Variants in SLC4A4 observed in about 807,000 individuals in gnomAD.
SLC4A4 encodes electrogenic sodium bicarbonate cotransporter 1.
In SLC4A4, 27 loss-of-function variants were observed where a neutral mutation model predicts 111.5. The ratio of observed to expected loss-of-function variants is 0.24; its 90% CI spans 0.18 to 0.33. The LOEUF is 0.33. Among genes scored for constraint, SLC4A4 ranks in the 10% least tolerant of loss-of-function variants. The pLI, the probability that SLC4A4 is intolerant of heterozygous loss-of-function variation, is 1.00. For synonymous variants in SLC4A4, 443 were observed against 463.4 expected, an observed-to-expected ratio of 0.96 and a Z score of 0.57; for missense variants, 909 against 1,315.5, an observed-to-expected ratio of 0.69 and a Z score of 4.78.
At chr4:71,481,811 GAT>G (rs1395939131) in intron 14 of SLC4A4, among the ~76,000 whole-genome samples, 1 of 151,704 alleles carries the variant, frequency 6.6e-6, no homozygotes, top group East Asian at 2.0e-4. Flanking sequence ...GGAGGAAAGA[GAT>G]ATGAAAATCC....
intron 18 of SLC4A4, 133 bp from the exon 19 acceptor site, chr4:71,546,217 C>G: frequency 1.3e-6 from 1 of 750,002 alleles, no homozygotes; most frequent in Non-Finnish European, 2.3e-6. Context: ...ATAAAGTCCC[C>G]TCTTTCAAGG....
chr4:71,565,176 A>G (rs777480505), intron 24 of SLC4A4, among the ~76,000 whole-genome samples: 21 of 151,878 alleles, frequency 1.4e-4, no homozygotes, highest in Non-Finnish European at 2.9e-4. Flanking sequence ...GAGAGGATGA[A>G]GTAAAGTTAC....
At chr4:71,276,277 C>T (rs1403019063) in intron 3 of SLC4A4, among the ~76,000 whole-genome samples, 1 of 152,184 alleles carries the variant, frequency 6.6e-6, no homozygotes, top group African/African-American at 2.4e-5. Flanking sequence ...AATATCAAAA[C>T]CAGGAAACTG....
At chr4:71,563,238 G>A (rs972409599) in intron 23 of SLC4A4, among the ~76,000 whole-genome samples, 6 of 151,714 alleles carry the variant, frequency 4.0e-5, no homozygotes, top group African/African-American at 1.2e-4. Context: ...CAAGCTAATT[G>A]AAATGAACCT....
chr4:71,246,940 C>G (rs1005096703), intron 2 of SLC4A4, among the ~76,000 whole-genome samples: 2 of 152,018 alleles, frequency 1.3e-5, no homozygotes, highest in South Asian at 2.1e-4. Flanking sequence ...GATTTTTAGG[C>G]CACTTTAAAA....
chr4:71,450,832 C>G (rs1725693394), intron 10 of SLC4A4, among the ~76,000 whole-genome samples: 1 of 152,082 alleles, frequency 6.6e-6, no homozygotes, highest in Non-Finnish European at 1.5e-5. Flanking sequence ...TTGGGGACCC[C>G]CTGTATATCT....
At chr4:71,497,802 T>G (rs1730551235) in intron 16 of SLC4A4, 110 bp downstream of exon 16, 3 of 908,740 alleles carry the variant, frequency 3.3e-6, no homozygotes, top group Non-Finnish European at 5.3e-6. Context: ...CAATATAATT[T>G]TGTGCGTTTT....
intron 1 of SLC4A4, among the ~76,000 whole-genome samples, chr4:71,220,293 G>A (rs748072687): frequency 6.6e-6 from 1 of 152,140 alleles, no homozygotes; most frequent in East Asian, 1.9e-4. Context: ...TAAAATTAAG[G>A]TATGTGCATT....
intron 24 of SLC4A4, among the ~76,000 whole-genome samples, 197 bp downstream of exon 24, chr4:71,564,086 T>C (rs547389702): frequency 3.3e-5 from 5 of 152,024 alleles, no homozygotes; most frequent in East Asian, 3.9e-4. Flanking sequence ...CCATAAACTT[T>C]TAAATTTTTA....
intron 2 of SLC4A4, among the ~76,000 whole-genome samples, chr4:71,113,970 G>T (rs959487748): frequency 6.6e-6 from 1 of 152,162 alleles, no homozygotes; most frequent in East Asian, 1.9e-4. Flanking sequence ...CAAACAGGCC[G>T]GGCGCGGTGG....
chr4:71,423,177 G>A (rs529291374), intron 7 of SLC4A4, among the ~76,000 whole-genome samples: 1,739 of 152,090 alleles, frequency 0.011, 9 homozygotes, highest in Non-Finnish European at 0.018. Context: ...AATCACAAGC[G>A]TTCTTATACA....
intron 16 of SLC4A4, among the ~76,000 whole-genome samples, chr4:71,508,979 A>G (rs1463718597): frequency 1.3e-5 from 2 of 152,236 alleles, no homozygotes; most frequent in African/African-American, 4.8e-5. Flanking sequence ...GATTCATCAC[A>G]CAACCAGAAC....
chr4:71,309,831 G>A (rs892524429), intron 3 of SLC4A4, among the ~76,000 whole-genome samples: 4 of 151,996 alleles, frequency 2.6e-5, no homozygotes, highest in African/African-American at 9.7e-5. Context: ...CACCGAATGA[G>A]TTTGATGAAT....
intron 13 of SLC4A4, among the ~76,000 whole-genome samples, chr4:71,467,562 T>G (rs1238447125): frequency 1.3e-5 from 2 of 152,096 alleles, no homozygotes; most frequent in African/African-American, 2.4e-5. Flanking sequence ...TCACAAGTCA[T>G]CGGTGGGGCT....
In SLC4A4 at chr4:71,566,990, A is replaced by T. The variant is rs749661587; in HGVS notation, c.3197-14A>T. ...GATCTACCATTTATGTTTTTAAAAA[A>T]TTTTATTTTCCAGGAGAAAGATCAC... On this transcript the variant is annotated splice_polypyrimidine_tract_variant and intron_variant, in intron 24 of 25. Transcript: ENST00000264485. The T allele has an allele frequency of 6.2e-7, 1 of 1,606,762 alleles. No homozygotes were observed. The highest frequency in any genetic ancestry group is 8.5e-7 in the Non-Finnish European group (1 of 1,175,262).
intron 6 of SLC4A4, among the ~76,000 whole-genome samples, chr4:71,378,498 A>AT (rs149795749): frequency 0.01 from 1,525 of 152,324 alleles, 31 homozygotes; most frequent in African/African-American, 0.035. Context: ...TACTACATTA[A>AT]TTTGAAACTG....
At chr4:71,421,363 T>G (rs1335754198) in intron 7 of SLC4A4, among the ~76,000 whole-genome samples, 1 of 152,128 alleles carries the variant, frequency 6.6e-6, no homozygotes, top group African/African-American at 2.4e-5. Context: ...ACAAAGAGAC[T>G]GAGACTCCCA....
chr4:71,201,217 A>C (rs1245284972), intron 1 of SLC4A4, among the ~76,000 whole-genome samples: 2 of 152,192 alleles, frequency 1.3e-5, no homozygotes, highest in African/African-American at 4.8e-5. Flanking sequence ...CAAGACAGTA[A>C]CAGAGGCCTC....
chr4:71,264,782 G>C (rs1323355340), intron 3 of SLC4A4, among the ~76,000 whole-genome samples: 1 of 152,050 alleles, frequency 6.6e-6, no homozygotes, highest in Admixed American at 6.6e-5. Context: ...AAGGATTTTA[G>C]ATTATTTTTT....
Sources: allele counts gnomAD v4.1 joint callset (sites outside exome capture counted in the v4.1 genomes callset), GRCh38; gene constraint gnomAD v4.1.1; transcripts MANE v1.5; gene names NCBI Gene and HGNC (gene_info 2026-07-23, HGNC 2026-07-21).